Variants in CNOT10 observed in about 807,000 individuals in gnomAD.
CNOT10 encodes the protein CCR4-NOT transcription complex, subunit 10.
Under a neutral mutation model 94.6 loss-of-function variants are expected in CNOT10, and 30 were observed. That is an observed-to-expected ratio of 0.32 (90% CI 0.24 to 0.43). The LOEUF (loss-of-function observed/expected upper bound fraction) is 0.43, where lower values mean the gene tolerates loss of function less well. Ranked by LOEUF, CNOT10 falls within the 20% of genes least tolerant of loss-of-function variation. The pLI, the probability that CNOT10 is intolerant of heterozygous loss-of-function variation, is 1.00. For synonymous variants in CNOT10, 289 were observed against 301.6 expected (o/e 0.96, Z 0.43); for missense variants, 759 against 877.2 (o/e 0.87, Z 1.70).
chr3:32,754,892 C>G (rs1283518412), intron 13 of CNOT10, among the ~76,000 whole-genome samples: 2 of 141,892 alleles, frequency 1.4e-5, no homozygotes, highest in African/African-American at 2.6e-5. Context: ...CTCCAAGGAC[C>G]ATTACAAAAA....
intron 13 of CNOT10, chr3:32,752,947 G>T (rs545522895): frequency 3.9e-5 from 17 of 435,230 alleles, no homozygotes; most frequent in African/African-American, 3.3e-4. Context: ...ACTTCCCAGA[G>T]GTTTTTCCAG....
At chr3:32,735,018 G>T in intron 12 of CNOT10, 42 bp downstream of exon 12, 1 of 1,528,024 alleles carries the variant, frequency 6.5e-7, no homozygotes, top group South Asian at 1.2e-5. Context: ...AATCCTTTCA[G>T]GACTTCTTTA....
chr3:32,703,596 G>C (rs1403989521), intron 1 of CNOT10, among the ~76,000 whole-genome samples: 5 of 152,162 alleles, frequency 3.3e-5, no homozygotes, highest in African/African-American at 1.2e-4. Context: ...GTCCAAGGGG[G>C]AGGTATCTTA....
intron 1 of CNOT10, among the ~76,000 whole-genome samples, chr3:32,692,624 G>A (rs1177791539): frequency 6.6e-6 from 1 of 152,204 alleles, no homozygotes; most frequent in East Asian, 1.9e-4. Flanking sequence ...GGAGTAATTG[G>A]CATTTCGTAA....
At chr3:32,760,310 G>A (rs1426600857) in intron 14 of CNOT10, among the ~76,000 whole-genome samples, 2 of 151,820 alleles carry the variant, frequency 1.3e-5, no homozygotes, top group African/African-American at 2.4e-5. Context: ...ATTTTCCAAA[G>A]CACATTATCT....
chr3:32,716,384 A>G (rs1426955522), intron 6 of CNOT10, 73 bp downstream of exon 6: 1 of 717,454 alleles, frequency 1.4e-6, no homozygotes, highest in Non-Finnish European at 2.3e-6. Context: ...AAGCAATGAG[A>G]TAGATCATTG....
chr3:32,711,141 A>G (rs761811200), intron 4 of CNOT10, among the ~76,000 whole-genome samples: 2 of 152,196 alleles, frequency 1.3e-5, no homozygotes, highest in African/African-American at 2.4e-5. Flanking sequence ...TACCCCCGTT[A>G]AGCTTCTATT....
intron 13 of CNOT10, among the ~76,000 whole-genome samples, chr3:32,738,636 G>GT (rs1463996752): frequency 5.9e-5 from 9 of 151,882 alleles, no homozygotes; most frequent in African/African-American, 2.2e-4. Context: ...CTAATTTTTT[G>GT]TATTTTTAGT....
intron 8 of CNOT10, among the ~76,000 whole-genome samples, chr3:32,720,557 A>G (rs1379647590): frequency 1.3e-5 from 2 of 151,744 alleles, no homozygotes; most frequent in African/African-American, 2.4e-5. Context: ...CAGTGCCACA[A>G]TCACAGCTCA....
intron 1 of CNOT10, among the ~76,000 whole-genome samples, chr3:32,700,560 T>C (rs1697294783): frequency 6.6e-6 from 1 of 152,252 alleles, no homozygotes; most frequent in Admixed American, 6.5e-5. Context: ...CTCTGCCAGG[T>C]ACATGCCAAT....
At chr3:32,731,542 A>G (rs1480339312) in intron 10 of CNOT10, among the ~76,000 whole-genome samples, 2 of 152,028 alleles carry the variant, frequency 1.3e-5, no homozygotes, top group African/African-American at 4.8e-5. Context: ...TGGCGTGATC[A>G]TGGCTCACTG....
At position 32,739,777 on chromosome 3, in the gene CNOT10, T is replaced by G. The variant is rs182345709; in HGVS notation, c.1595+2287T>G. 2.0e-5 allele frequency among the ~76,000 whole-genome samples: 3 copies of G among 152,186 alleles called. No homozygotes were observed. In the East Asian group the frequency reaches 5.8e-4, roughly 29 times the overall value. On this transcript the variant is annotated intron_variant, in intron 13 of 18. Coordinates refer to ENST00000328834, the MANE Select transcript of CNOT10 (RefSeq NM_015442.3). Reference sequence around the variant, plus strand: ...CCATCTCTCCTAAAAATACAAAAGTTGGCCAGGTGTGGTGGCGGGTGCCTG... The same window carrying G: ...CCATCTCTCCTAAAAATACAAAAGTGGGCCAGGTGTGGTGGCGGGTGCCTG...
intron 5 of CNOT10, among the ~76,000 whole-genome samples, chr3:32,713,843 C>T (rs1697996060): frequency 6.6e-6 from 1 of 152,136 alleles, no homozygotes; most frequent in Non-Finnish European, 1.5e-5. Flanking sequence ...TCATGTACTT[C>T]ATGCCTTTTG....
At chr3:32,721,429 C>T (rs929077323) in intron 8 of CNOT10, among the ~76,000 whole-genome samples, 91 of 72,598 alleles carry the variant, frequency 1.3e-3, no homozygotes, top group South Asian at 2.8e-3. Flanking sequence ...TTTCTTTCAT[C>T]TTTTTTTTTT....
intron 10 of CNOT10, among the ~76,000 whole-genome samples, chr3:32,729,362 G>C (rs531663132): frequency 6.6e-6 from 1 of 152,124 alleles, no homozygotes; most frequent in Non-Finnish European, 1.5e-5. Flanking sequence ...GGGAAAGACG[G>C]GTTGTGTCAG....
At chr3:32,725,728 T>A in intron 9 of CNOT10, 129 bp downstream of exon 9, 1 of 804,904 alleles carries the variant, frequency 1.2e-6, no homozygotes, top group Non-Finnish European at 1.8e-6. Flanking sequence ...ACCCAACAAG[T>A]TTGGCTCTGG....
At chr3:32,690,380 GT>G (rs1178803212) in intron 1 of CNOT10, among the ~76,000 whole-genome samples, 1 of 151,918 alleles carries the variant, frequency 6.6e-6, no homozygotes, top group Non-Finnish European at 1.5e-5. Flanking sequence ...GAGTTTTTTG[GT>G]TTTTTTGTTT....
At chr3:32,688,043 G>A (rs1180169908) in intron 1 of CNOT10, among the ~76,000 whole-genome samples, 1 of 152,136 alleles carries the variant, frequency 6.6e-6, no homozygotes, top group Non-Finnish European at 1.5e-5. Context: ...AGGACTTAAG[G>A]TGAGTGATCT....
chr3:32,734,685 A>G, intron 11 of CNOT10, 115 bp from the exon 12 acceptor site: 1 of 826,724 alleles, frequency 1.2e-6, no homozygotes, highest in East Asian at 2.5e-5. Context: ...TAAAATTTCT[A>G]CCTATCAAAA....
Sources: allele counts gnomAD v4.1 joint callset (sites outside exome capture counted in the v4.1 genomes callset), GRCh38; gene constraint gnomAD v4.1.1; transcripts MANE v1.5; gene names NCBI Gene and HGNC (gene_info 2026-07-23, HGNC 2026-07-21).